The following ADAMTS20 variants were observed in gnomAD, a reference collection of about 807,000 sequenced individuals.
ADAMTS20 encodes ADAM metallopeptidase with thrombospondin type 1 motif 20, also known as A disintegrin and metalloproteinase with thrombospondin motifs 20.
Under a neutral mutation model 260.1 loss-of-function variants are expected in ADAMTS20, and 225 were observed. That is an observed-to-expected ratio of 0.87 (90% CI 0.78 to 0.97). The LOEUF is 0.97. Ranked by LOEUF, ADAMTS20 falls within the 50% of genes least tolerant of loss-of-function variation. The probability of loss-of-function intolerance (pLI) is 0.00; values close to 1 mark genes in which losing one functional copy is unlikely to be tolerated. For missense variants in ADAMTS20, 2,400 were observed against 2,337.7 expected (o/e 1.03, Z -0.55); for synonymous variants, 802 against 769.5 (o/e 1.04, Z -0.70).
chr12:43,428,154 G>T (rs759306179), intron 26 of ADAMTS20, 87 bp downstream of exon 26: 37 of 1,313,922 alleles, frequency 2.8e-5, no homozygotes, highest in Non-Finnish European at 3.9e-5. Context: ...AGCATTTAAA[G>T]TACTGATGGC....
chr12:43,368,547 G>A (rs1387855301), intron 37 of ADAMTS20, among the ~76,000 whole-genome samples: 3 of 152,164 alleles, frequency 2.0e-5, no homozygotes, highest in East Asian at 1.9e-4. Context: ...AAGAGACTAT[G>A]ACAAACTATT....
chr12:43,483,581 T>C (rs1942473973), intron 7 of ADAMTS20, among the ~76,000 whole-genome samples: 1 of 152,164 alleles, frequency 6.6e-6, no homozygotes, highest in East Asian at 1.9e-4. Flanking sequence ...AACCCCTCTC[T>C]AAATGGAACA....
intron 3 of ADAMTS20, among the ~76,000 whole-genome samples, chr12:43,511,355 A>G (rs1455582914): frequency 6.6e-6 from 1 of 151,918 alleles, no homozygotes; most frequent in Non-Finnish European, 1.5e-5. Context: ...CATAAGATAA[A>G]ATCTAAGCCT....
In ADAMTS20 at chr12:43,376,112, C is replaced by G; in HGVS notation, c.5257G>C (p.Glu1753Gln). Reference protein sequence around the residue: ...CADMYLENPKEYLTLVQGEEN... With the variant: ...CADMYLENPKQYLTLVQGEEN... Reference sequence around the variant, plus strand: ...TCACCTTGGACCAGTGTTAAATATTCCTTAGGGTTCTCCAAGTACATGTCT... The same window carrying G: ...TCACCTTGGACCAGTGTTAAATATTGCTTAGGGTTCTCCAAGTACATGTCT... Residue 1753 changes from glutamate to glutamine, a missense_variant, in exon 35 of 39, where the codon GAA (glutamate) becomes CAA (glutamine). Glu to Gln is a conservative substitution (Grantham distance 29, BLOSUM62 2). Transcript: ENST00000389420. The G allele has an allele frequency of 6.2e-7, 1 of 1,610,280 alleles. No homozygotes were observed. Among genetic ancestry groups the G allele is most frequent in the Non-Finnish European group, 8.5e-7 (1 of 1,178,392 alleles).
chr12:43,431,348 A>G lies in ADAMTS20; in HGVS notation c.3245T>C (p.Val1082Ala), dbSNP rs1217627295. ...CELHTCASWQ[V>A]GPWGPCTTTC... ...TATACTCACAGGACCCCATGGTCCTACTTGCCAGGAAGCACATGTATGAAG... is the reference window on the plus strand; with the variant it reads ...TATACTCACAGGACCCCATGGTCCTGCTTGCCAGGAAGCACATGTATGAAG... The change falls in exon 22 of 39, where the codon GTA becomes GCA. Residue 1082 changes from valine (V) to alanine (A), a missense_variant. Transcript: ENST00000389420. The G allele has an allele frequency of 1.9e-6, 3 of 1,613,916 alleles. No homozygotes were observed. The highest frequency in any genetic ancestry group is 2.2e-5 in the East Asian group (1 of 44,870).
intron 2 of ADAMTS20, among the ~76,000 whole-genome samples, chr12:43,546,976 G>A (rs1943449109): frequency 6.6e-6 from 1 of 151,984 alleles, no homozygotes; most frequent in Admixed American, 6.6e-5. Context: ...CTGGTTCTTG[G>A]GCTCAAAATA....
chr12:43,381,942 G>A (rs1940363672), intron 31 of ADAMTS20, among the ~76,000 whole-genome samples: 2 of 151,968 alleles, frequency 1.3e-5, no homozygotes, highest in African/African-American at 2.4e-5. Flanking sequence ...ATACATACTA[G>A]GATGGTTATG....
At chr12:43,371,330 A>T (rs1940102696) in intron 36 of ADAMTS20, among the ~76,000 whole-genome samples, 1 of 152,214 alleles carries the variant, frequency 6.6e-6, no homozygotes, top group Non-Finnish European at 1.5e-5. Context: ...GAGGACTTTT[A>T]ATTCAACAGA....
intron 20 of ADAMTS20, 24 bp from the exon 21 acceptor site, chr12:43,432,492 A>T: frequency 6.3e-7 from 1 of 1,594,534 alleles, no homozygotes; most frequent in Non-Finnish European, 8.5e-7. Flanking sequence ...AAAAAGTGGT[A>T]ACTAATGGAA....
chr12:43,503,548 G>A (rs1186127710), intron 3 of ADAMTS20, among the ~76,000 whole-genome samples: 1 of 151,548 alleles, frequency 6.6e-6, no homozygotes, highest in Non-Finnish European at 1.5e-5. Context: ...AATTTTATTC[G>A]TCTTATTCTT....
At chr12:43,418,392 C>A (rs1325864990) in intron 28 of ADAMTS20, among the ~76,000 whole-genome samples, 1 of 152,212 alleles carries the variant, frequency 6.6e-6, no homozygotes, top group Non-Finnish European at 1.5e-5. Flanking sequence ...TCACTGCAAC[C>A]TCCGCCTCCC....
chr12:43,432,141 CTG>C (rs1941456654), intron 21 of ADAMTS20, among the ~76,000 whole-genome samples, 161 bp downstream of exon 21: 2 of 152,188 alleles, frequency 1.3e-5, no homozygotes, highest in Non-Finnish European at 2.9e-5. Context: ...GCATGAGACA[CTG>C]TGTGCCTGGC....
intron 7 of ADAMTS20, among the ~76,000 whole-genome samples, chr12:43,478,819 A>G (rs1222160428): frequency 1.3e-5 from 2 of 152,206 alleles, no homozygotes; most frequent in Admixed American, 6.5e-5. Context: ...ACTGAAACCT[A>G]TGAGTTATTT....
intron 29 of ADAMTS20, among the ~76,000 whole-genome samples, chr12:43,390,588 C>A (rs147687914): frequency 6.6e-6 from 1 of 152,268 alleles, no homozygotes; most frequent in East Asian, 1.9e-4. Context: ...TTCTATCTTC[C>A]ACAAAACACT....
In ADAMTS20 at chr12:43,439,726, T is replaced by C. The variant is rs747535733; in HGVS notation, c.2489A>G (p.Asn830Ser). 6.2e-7 allele frequency: 1 copy of C among 1,613,014 alleles called. No homozygotes were observed. The highest frequency in any genetic ancestry group is 1.7e-5 in the Admixed American group (1 of 59,900). Residue 830 changes from asparagine (N) to serine (S), a missense_variant, in exon 18 of 39, where the codon AAC (asparagine) becomes AGC (serine). Asn to Ser is a conservative substitution (Grantham distance 46). Coordinates refer to ENST00000389420, the MANE Select transcript of ADAMTS20 (RefSeq NM_025003.5). ...LQVLCVGNLY[N>S]PDVHYSFNIP... Reference sequence around the variant, plus strand: ...ATTGAAGGAATAATGTACATCAGGGTTGTATAAATTACCCACACACAACAC... The same window carrying C: ...ATTGAAGGAATAATGTACATCAGGGCTGTATAAATTACCCACACACAACAC...
chr12:43,477,676 C>T (rs189246375), intron 7 of ADAMTS20, among the ~76,000 whole-genome samples: 142 of 152,274 alleles, frequency 9.3e-4, no homozygotes, highest in Non-Finnish European at 1.6e-3. Flanking sequence ...TCTCTCAATA[C>T]ACAAGCATGC....
intron 21 of ADAMTS20, 130 bp from the exon 22 acceptor site, chr12:43,431,626 T>A: frequency 9.5e-7 from 1 of 1,057,632 alleles, no homozygotes; most frequent in Non-Finnish European, 1.4e-6. Flanking sequence ...TTTCCCTCAC[T>A]CCACCAGAGA....
intron 28 of ADAMTS20, among the ~76,000 whole-genome samples, chr12:43,415,554 C>A (rs1221318624): frequency 6.6e-6 from 1 of 152,150 alleles, no homozygotes; most frequent in Non-Finnish European, 1.5e-5. Context: ...GCCTTTATGT[C>A]ACAGGCCCTA....
chr12:43,390,062 G>A (rs1940565818), intron 29 of ADAMTS20, among the ~76,000 whole-genome samples: 1 of 152,182 alleles, frequency 6.6e-6, no homozygotes, highest in Non-Finnish European at 1.5e-5. Context: ...CACATCTGGG[G>A]TAGTTGAGGA....
Sources: allele counts gnomAD v4.1 joint callset (sites outside exome capture counted in the v4.1 genomes callset), GRCh38; gene constraint gnomAD v4.1.1; transcripts MANE v1.5; gene names NCBI Gene and HGNC (gene_info 2026-07-23, HGNC 2026-07-21).